The following LHFPL6 variants were observed in gnomAD, a reference collection of about 807,000 sequenced individuals.
LHFPL6 encodes the protein LHFPL tetraspan subfamily member 6 protein.
A neutral mutation model predicts 20.6 loss-of-function variants in LHFPL6; 9 were observed. The observed-to-expected ratio is 0.44, with a 90% CI of 0.26 to 0.76. LHFPL6 has a LOEUF of 0.76. Ranked by LOEUF, LHFPL6 falls within the 30% of genes least tolerant of loss-of-function variation. The pLI, the probability that LHFPL6 is intolerant of heterozygous loss-of-function variation, is 0.20. For missense variants in LHFPL6, 218 were observed against 253.5 expected, an observed-to-expected ratio of 0.86 and a Z score of 0.95; for synonymous variants, 105 against 98.7, an observed-to-expected ratio of 1.06 and a Z score of -0.38.
chr13:39,588,074 A>T (rs531140083), intron 2 of LHFPL6, among the ~76,000 whole-genome samples: 1 of 152,200 alleles, frequency 6.6e-6, no homozygotes, highest in South Asian at 2.1e-4. Flanking sequence ...AAGCAGGGAA[A>T]GGTCGGGATG....
At chr13:39,570,499 G>T (rs776648571) in intron 2 of LHFPL6, among the ~76,000 whole-genome samples, 2 of 151,570 alleles carry the variant, frequency 1.3e-5, no homozygotes, top group African/African-American at 4.8e-5. Context: ...GGCAAGAAAA[G>T]AGGATGTGGG....
intron 2 of LHFPL6, among the ~76,000 whole-genome samples, chr13:39,504,768 A>C (rs997239528): frequency 6.6e-6 from 1 of 152,232 alleles, no homozygotes; most frequent in African/African-American, 2.4e-5. Context: ...CACACATGAA[A>C]CTGGGGAGGA....
chr13:39,501,218 A>T (rs1869283403), intron 2 of LHFPL6, among the ~76,000 whole-genome samples: 2 of 152,298 alleles, frequency 1.3e-5, no homozygotes, highest in Admixed American at 1.3e-4. Flanking sequence ...CTGGACTAGT[A>T]AGCAGGCCTT....
intron 2 of LHFPL6, among the ~76,000 whole-genome samples, chr13:39,580,310 G>A (rs932454227): frequency 1.3e-5 from 2 of 151,944 alleles, no homozygotes; most frequent in Non-Finnish European, 2.9e-5. Flanking sequence ...CAGACACTGA[G>A]AACATGCATA....
At chr13:39,555,324 C>CT (rs74344851) in intron 2 of LHFPL6, among the ~76,000 whole-genome samples, 12,217 of 134,982 alleles carry the variant, frequency 0.091, 823 homozygotes, top group African/African-American at 0.2. Context: ...TCTCCCCGCC[C>CT]TTTTTTTTTT....
At chr13:39,424,328 T>C (rs1470989266) in intron 2 of LHFPL6, among the ~76,000 whole-genome samples, 1 of 151,952 alleles carries the variant, frequency 6.6e-6, no homozygotes, top group African/African-American at 2.4e-5. Context: ...AATAAAGGAA[T>C]AAAGGAATCA....
intron 3 of LHFPL6, among the ~76,000 whole-genome samples, chr13:39,373,369 TC>T (rs1870207817): frequency 6.6e-6 from 1 of 152,124 alleles, no homozygotes; most frequent in Non-Finnish European, 1.5e-5. Context: ...GTGTGGCCTC[TC>T]CCTTAGGCAT....
intron 3 of LHFPL6, among the ~76,000 whole-genome samples, chr13:39,354,820 C>A (rs1869683264): frequency 6.6e-6 from 1 of 151,566 alleles, no homozygotes; most frequent in African/African-American, 2.4e-5. Flanking sequence ...AGCTCAAAGA[C>A]CAGTCTGATG....
At chr13:39,375,401 C>T (rs181641858) in intron 3 of LHFPL6, among the ~76,000 whole-genome samples, 1 of 152,220 alleles carries the variant, frequency 6.6e-6, no homozygotes, top group African/African-American at 2.4e-5. Context: ...AGAGAGTGAA[C>T]AGGGATGGGC....
intron 2 of LHFPL6, among the ~76,000 whole-genome samples, chr13:39,439,281 TA>T (rs1872051317): frequency 6.6e-6 from 1 of 152,210 alleles, no homozygotes; most frequent in South Asian, 2.1e-4. Context: ...GACTTGCCTT[TA>T]TCCCCCTTCT....
chr13:39,479,068 T>C (rs1868409521), intron 2 of LHFPL6, among the ~76,000 whole-genome samples: 1 of 151,392 alleles, frequency 6.6e-6, no homozygotes, highest in Admixed American at 6.6e-5. Flanking sequence ...GATAGATAGA[T>C]AGATAGATAG....
At chr13:39,526,189 T>C (rs1375727505) in intron 2 of LHFPL6, among the ~76,000 whole-genome samples, 1 of 152,214 alleles carries the variant, frequency 6.6e-6, no homozygotes, top group African/African-American at 2.4e-5. Flanking sequence ...AGGAACTTAT[T>C]CACTGTTATA....
At chr13:39,510,315 T>C (rs530970805) in intron 2 of LHFPL6, among the ~76,000 whole-genome samples, 5 of 152,386 alleles carry the variant, frequency 3.3e-5, no homozygotes, top group Non-Finnish European at 5.9e-5. Context: ...CTTTATTTTT[T>C]TGTCCTTAAT....
intron 2 of LHFPL6, among the ~76,000 whole-genome samples, chr13:39,462,996 A>G (rs1014658760): frequency 5.3e-5 from 8 of 152,152 alleles, no homozygotes; most frequent in African/African-American, 1.9e-4. Context: ...TTCAGGAAAG[A>G]AAAGTAGCTC....
intron 2 of LHFPL6, among the ~76,000 whole-genome samples, chr13:39,551,592 C>T (rs1396306097): frequency 6.6e-6 from 1 of 152,136 alleles, no homozygotes; most frequent in African/African-American, 2.4e-5. Context: ...ACTGCCTTCC[C>T]TTTTAAGTTT....
intron 2 of LHFPL6, among the ~76,000 whole-genome samples, chr13:39,486,340 A>C (rs542026095): frequency 5.6e-4 from 86 of 152,328 alleles, no homozygotes; most frequent in Middle Eastern, 6.8e-3. Flanking sequence ...GCAGCAAGGC[A>C]GTTACTGTGT....
intron 2 of LHFPL6, among the ~76,000 whole-genome samples, chr13:39,582,159 C>T (rs2138540186): frequency 6.6e-6 from 1 of 152,272 alleles, no homozygotes; most frequent in South Asian, 2.1e-4. Flanking sequence ...TCTCCAAAAG[C>T]AGCGGCCTCA....
chr13:39,538,374 T>C (rs1870692704), intron 2 of LHFPL6, among the ~76,000 whole-genome samples: 1 of 151,092 alleles, frequency 6.6e-6, no homozygotes, highest in Non-Finnish European at 1.5e-5. Flanking sequence ...TCTTCAGATC[T>C]GATGCAGATT....
intron 2 of LHFPL6, among the ~76,000 whole-genome samples, chr13:39,495,022 A>T (rs370443452): frequency 2.0e-5 from 3 of 152,162 alleles, no homozygotes; most frequent in African/African-American, 7.2e-5. Flanking sequence ...TTAGAACATG[A>T]AATGACTGCA....
Sources: allele counts gnomAD v4.1 joint callset (sites outside exome capture counted in the v4.1 genomes callset), GRCh38; gene constraint gnomAD v4.1.1; transcripts MANE v1.5; gene names NCBI Gene and HGNC (gene_info 2026-07-23, HGNC 2026-07-21).